The following MAPDA variants were observed in gnomAD, a reference collection of about 807,000 sequenced individuals.
MAPDA encodes N6-Methyl-AMP deaminase.
the MAPDA span, among the ~76,000 whole-genome samples, chr15:43,347,677 A>AT: frequency 1.3e-5 from 2 of 152,148 alleles, no homozygotes; most frequent in Non-Finnish European, 2.9e-5. Context: ...AAATGGATGT[A>AT]TTTTTTACCT....
At chr15:43,351,789 A>G in the MAPDA span, 1 of 1,551,444 alleles carries the variant, frequency 6.4e-7, no homozygotes, top group Non-Finnish European at 8.7e-7. Context: ...ACCTTTCTCA[A>G]GAGTACCAGC....
chr15:43,335,736 C>A, the MAPDA span: 1 of 1,613,676 alleles, frequency 6.2e-7, no homozygotes. Flanking sequence ...AGTTCTCATA[C>A]CATGAAGAAA....
At chr15:43,342,369 G>A in the MAPDA span, among the ~76,000 whole-genome samples, 1 of 150,262 alleles carries the variant, frequency 6.7e-6, no homozygotes, top group African/African-American at 2.5e-5. Flanking sequence ...GAAACACTAA[G>A]CCCGAGCAGG....
the MAPDA span, among the ~76,000 whole-genome samples, chr15:43,334,633 TTATATATATATATATA>T: frequency 8.0e-4 from 52 of 65,172 alleles, 2 homozygotes; most frequent in East Asian, 1.0e-3. Flanking sequence ...CTCAAAAAAA[TTATATATATATATATA>T]TATATATATA....
At chr15:43,348,457 T>C in the MAPDA span, among the ~76,000 whole-genome samples, 1 of 152,234 alleles carries the variant, frequency 6.6e-6, no homozygotes, top group Non-Finnish European at 1.5e-5. Context: ...TTTGTTTTGC[T>C]CCCCAGAGTT....
chr15:43,350,842 T>G, the MAPDA span: 1 of 1,068,866 alleles, frequency 9.4e-7, no homozygotes, highest in Non-Finnish European at 1.4e-6. Context: ...TACTTTAAAT[T>G]AGCAAAATTT....
chr15:43,339,970 A>G, the MAPDA span, among the ~76,000 whole-genome samples: 1 of 152,212 alleles, frequency 6.6e-6, no homozygotes, highest in Non-Finnish European at 1.5e-5. Flanking sequence ...ATCTGCTATT[A>G]TAAATACTAG....
chr15:43,337,966 G>A, the MAPDA span, among the ~76,000 whole-genome samples: 2 of 152,156 alleles, frequency 1.3e-5, no homozygotes, highest in Non-Finnish European at 2.9e-5. Flanking sequence ...AACCAAAAGG[G>A]CATTCTCTAA....
the MAPDA span, among the ~76,000 whole-genome samples, chr15:43,342,141 T>C: frequency 1.3e-5 from 2 of 152,142 alleles, no homozygotes; most frequent in African/African-American, 4.8e-5. Context: ...ACCCTATTTT[T>C]ATTTTTATTT....
At chr15:43,347,018 A>G in the MAPDA span, 7 of 1,613,356 alleles carry the variant, frequency 4.3e-6, no homozygotes, top group Non-Finnish European at 5.9e-6. Flanking sequence ...TCTTTAAGGT[A>G]GGACAAGCAA....
the MAPDA span, chr15:43,330,681 G>A: frequency 7.4e-6 from 4 of 543,044 alleles, no homozygotes; most frequent in Admixed American, 7.6e-5. Flanking sequence ...TGTAGCCAGT[G>A]CTAAGTTCGC....
At chr15:43,335,585 A>T in the MAPDA span, 4 of 1,199,488 alleles carry the variant, frequency 3.3e-6, no homozygotes, top group Non-Finnish European at 3.5e-6. Flanking sequence ...TTTATTATGT[A>T]GCTAAATCTA....
chr15:43,331,689 G>A, the MAPDA span, among the ~76,000 whole-genome samples: 49 of 152,316 alleles, frequency 3.2e-4, 1 homozygote, highest in South Asian at 9.3e-3. Flanking sequence ...TTTAGATTTG[G>A]TGTTTAAAAG....
the MAPDA span, among the ~76,000 whole-genome samples, chr15:43,333,736 A>G: frequency 6.6e-6 from 1 of 152,222 alleles, no homozygotes; most frequent in Admixed American, 6.5e-5. Context: ...AGTTATTTCA[A>G]GGATTAAAGA....
At chr15:43,330,354 C>A in the MAPDA span, 3 of 1,603,966 alleles carry the variant, frequency 1.9e-6, no homozygotes, top group African/African-American at 1.3e-5. Flanking sequence ...GCGCGGCGCG[C>A]CGCGCCCGGA....
At chr15:43,345,876 A>G in the MAPDA span, 3 of 1,614,208 alleles carry the variant, frequency 1.9e-6, no homozygotes, top group East Asian at 4.5e-5. Flanking sequence ...AGTTGACAGA[A>G]GAGGTGGCCC....
At chr15:43,334,960 G>C in the MAPDA span, 2 of 618,678 alleles carry the variant, frequency 3.2e-6, no homozygotes, top group East Asian at 6.5e-5. Context: ...GCTGAACCCA[G>C]ATCTACACAT....
At chr15:43,337,982 G>A in the MAPDA span, among the ~76,000 whole-genome samples, 14 of 152,286 alleles carry the variant, frequency 9.2e-5, no homozygotes, top group Admixed American at 2.0e-4. Flanking sequence ...TCTAAGCAGC[G>A]TCTCAAAAGA....
the MAPDA span, chr15:43,335,669 A>G: frequency 4.4e-6 from 7 of 1,578,724 alleles, no homozygotes; most frequent in Admixed American, 2.0e-5. Context: ...TGGATATTTG[A>G]TAAGTTTTAC....
Sources: allele counts gnomAD v4.1 joint callset (sites outside exome capture counted in the v4.1 genomes callset), GRCh38; gene constraint gnomAD v4.1.1; transcripts MANE v1.5; gene names NCBI Gene and HGNC (gene_info 2026-07-23, HGNC 2026-07-21).